Variants in ARHGAP39 observed in about 807,000 individuals in gnomAD.
The protein encoded by ARHGAP39 is rho GTPase-activating protein 39.
A neutral mutation model predicts 106.9 loss-of-function variants in ARHGAP39; 44 were observed. That is an observed-to-expected ratio of 0.41 (90% confidence interval 0.32 to 0.53). The LOEUF (loss-of-function observed/expected upper bound fraction) is 0.53. Among genes scored for constraint, ARHGAP39 ranks in the 20% least tolerant of loss-of-function variants. ARHGAP39 has a pLI of 0.21. For missense variants in ARHGAP39, 1,496 were observed against 1,577.3 expected (o/e 0.95, Z 0.87); for synonymous variants, 768 against 693.2 (o/e 1.11, Z -1.69).
At chr8:144,694,452 G>A in the ARHGAP39 span, among the ~76,000 whole-genome samples, 1 of 152,216 alleles carries the variant, frequency 6.6e-6, no homozygotes, top group African/African-American at 2.4e-5. Flanking sequence ...CCAAGGACAG[G>A]TGCATTTGTG....
rs1248824397 is a variant in ARHGAP39, at chr8:144,644,961, C to T, written c.-81-39266G>A. Among the ~76,000 whole-genome samples, 1 of 152,258 alleles carries T rather than the reference C, an allele frequency of 6.6e-6. No individual in the cohort carries two copies. The highest frequency in any genetic ancestry group is 1.5e-5 in the Non-Finnish European group (1 of 68,048). Reference sequence around the variant, plus strand: ...CCACACCCTGCCCAGTGCGCCCATTCAGGACAGAAGTCAGTCCTCGCAGGC... The same window carrying T: ...CCACACCCTGCCCAGTGCGCCCATTTAGGACAGAAGTCAGTCCTCGCAGGC... On this transcript the variant is annotated intron_variant, in intron 1 of 11. Transcript: ENST00000377307. The surrounding 1 kb of genome is among the most constrained non-coding windows in gnomAD (Gnocchi z 4.8).
chr8:144,673,883 G>T (rs1050394613), intron 1 of ARHGAP39, among the ~76,000 whole-genome samples: 10 of 152,252 alleles, frequency 6.6e-5, no homozygotes, highest in East Asian at 3.8e-4. Context: ...AGCGGGGCAG[G>T]CTGCTCCAGG....
intron 3 of ARHGAP39, among the ~76,000 whole-genome samples, chr8:144,556,941 A>G (rs1817946458): frequency 7.0e-6 from 1 of 141,944 alleles, no homozygotes; most frequent in Admixed American, 6.7e-5. Context: ...CAGAGGCAAA[A>G]GGCTGAACCT....
chr8:144,665,960 G>A, intron 1 of ARHGAP39, among the ~76,000 whole-genome samples: 1 of 152,202 alleles, frequency 6.6e-6, no homozygotes, highest in Non-Finnish European at 1.5e-5. Flanking sequence ...AAAAGCTGCA[G>A]ACACTAAACG....
intron 2 of ARHGAP39, among the ~76,000 whole-genome samples, chr8:144,599,660 G>A (rs1285494504): frequency 6.6e-6 from 1 of 151,842 alleles, no homozygotes. Flanking sequence ...TAAAAAGGGG[G>A]ACAAAAAAAT....
chr8:144,534,197 C>T lies in ARHGAP39; in HGVS notation c.2620G>A (p.Ala874Thr), dbSNP rs1366148015. ...KPYVEEPDGV[A>T]ISTYAKYCYH... ...CAGTACTTGGCATACGTGCTTATCG[C>T]CACCCCTGGAAAGGAAAGGGGCCTG... Residue 874 changes from alanine to threonine, a missense_variant, in exon 8 of 12, where the codon GCG (alanine) becomes ACG (threonine). This residue lies in a region of ARHGAP39 where 470 missense variants were observed against 605.1 expected (regional missense o/e 0.78). Transcript: ENST00000377307. 6.2e-7 allele frequency: 1 copy of T among 1,613,346 alleles called. No individual in the cohort carries two copies. The highest frequency in any genetic ancestry group is 2.2e-5 in the East Asian group (1 of 44,868).
chr8:144,667,180 C>T (rs181971918), intron 1 of ARHGAP39, among the ~76,000 whole-genome samples: 39 of 152,306 alleles, frequency 2.6e-4, no homozygotes, highest in African/African-American at 8.2e-4. Flanking sequence ...CAAGCCCACC[C>T]GCACCCCCAT....
chr8:144,657,435 G>C (rs1436040589), intron 1 of ARHGAP39, among the ~76,000 whole-genome samples: 2 of 152,220 alleles, frequency 1.3e-5, no homozygotes, highest in South Asian at 2.1e-4. Flanking sequence ...ACTCCAGGCT[G>C]GGCAACAGAG....
At chr8:144,658,291 T>A (rs1821746309) in intron 1 of ARHGAP39, among the ~76,000 whole-genome samples, 1 of 151,188 alleles carries the variant, frequency 6.6e-6, no homozygotes, top group Admixed American at 6.6e-5. Context: ...TTTTTTTTTT[T>A]GAGACAGAGC....
chr8:144,563,606 T>C (rs1194057252), intron 3 of ARHGAP39, among the ~76,000 whole-genome samples: 1 of 151,694 alleles, frequency 6.6e-6, no homozygotes, highest in Non-Finnish European at 1.5e-5. Flanking sequence ...GGAAAGATAG[T>C]GAGACCTTAT....
chr8:144,629,855 T>C (rs1821018462), intron 1 of ARHGAP39, among the ~76,000 whole-genome samples: 1 of 151,846 alleles, frequency 6.6e-6, no homozygotes, highest in Admixed American at 6.6e-5. Flanking sequence ...GTGGGAAGTG[T>C]TGGGGGACTT....
intron 3 of ARHGAP39, among the ~76,000 whole-genome samples, chr8:144,556,031 A>T (rs1255284947): frequency 6.6e-6 from 1 of 152,236 alleles, no homozygotes; most frequent in Non-Finnish European, 1.5e-5. Flanking sequence ...CACGCCTGGA[A>T]TCCCAGCACT....
chr8:144,582,445 G>A (rs896482159), intron 2 of ARHGAP39, among the ~76,000 whole-genome samples: 7 of 152,228 alleles, frequency 4.6e-5, no homozygotes, highest in East Asian at 1.9e-4. Flanking sequence ...ACACAGTGGC[G>A]GCGGCCCCAG....
Position 144,670,790 on chromosome 8 carries a change from G to A in ARHGAP39, c.-82+14896C>T, listed in dbSNP as rs942294394. The stretch of plus-strand genomic sequence containing the variant: ...ATCCCCGTCCTTCAGACCACACACC[G>A]CAGCTGCCAACTGTGTGTATCTGTT... On this transcript the variant is annotated intron_variant, in intron 1 of 11. Transcript: ENST00000377307. This position sits in a 1 kb window ranked among gnomAD's most constrained non-coding sequence, Gnocchi z 4.4. Among the ~76,000 whole-genome samples the A allele has an allele frequency of 1.3e-5, 2 of 152,000 alleles. No homozygotes were observed. Among genetic ancestry groups the A allele is most frequent in the African/African-American group, 2.4e-5 (1 of 41,352 alleles).
rs115108866 is a variant in ARHGAP39 at position 144,613,822 on chromosome 8, C to A, written c.-81-8127G>T. On this transcript the variant is annotated intron_variant, in intron 1 of 11. Transcript: ENST00000377307. ...TTATAGTTTCCATCAAACTGGGAAG[C>A]TTTTCAGCTATCATGTCCTCAAACA... 5.1e-3 allele frequency among the ~76,000 whole-genome samples: 779 copies of A among 152,300 alleles called. 5 individuals carry two copies. The highest frequency in any genetic ancestry group is 0.018 in the African/African-American group (754 of 41,568).
intron 5 of ARHGAP39, 94 bp from the exon 6 acceptor site, chr8:144,545,904 G>A (rs1817400078): frequency 8.3e-7 from 1 of 1,206,478 alleles, no homozygotes; most frequent in Non-Finnish European, 1.1e-6. Context: ...GTGAGCTGGG[G>A]CCCCACCAGA....
intron 6 of ARHGAP39, among the ~76,000 whole-genome samples, chr8:144,539,781 T>C (rs568304551): frequency 1.3e-5 from 2 of 152,340 alleles, no homozygotes; most frequent in East Asian, 3.9e-4. Context: ...ACCTCAAGGC[T>C]AGTGCCACAC....
At chr8:144,611,795 C>G (rs1297191703) in intron 1 of ARHGAP39, among the ~76,000 whole-genome samples, 1 of 152,018 alleles carries the variant, frequency 6.6e-6, no homozygotes, top group Non-Finnish European at 1.5e-5. Flanking sequence ...GCAGGAGGAT[C>G]CCTTGAGGCC....
chr8:144,694,199 G>C, the ARHGAP39 span, among the ~76,000 whole-genome samples: 9 of 152,204 alleles, frequency 5.9e-5, no homozygotes, highest in African/African-American at 1.9e-4. Flanking sequence ...TGAGGAATAG[G>C]CTGCATGGGG....
Sources: gnomAD v4.1 joint callset for allele counts (sites outside exome capture counted in the v4.1 genomes callset) on GRCh38, gnomAD v4.1.1 for gene constraint, gnomAD v4.1.1 regional missense constraint, Gnocchi (gnomAD v3.1) non-coding constraint, MANE v1.5 for transcripts, NCBI Gene and HGNC (gene_info 2026-07-23, HGNC 2026-07-21) for gene names.